The following ROBO2 variants were observed in gnomAD, a reference collection of about 807,000 sequenced individuals.
The protein encoded by ROBO2 is roundabout homolog 2.
Under a neutral mutation model 160.8 loss-of-function variants are expected in ROBO2, and 53 were observed. The ratio of observed to expected loss-of-function variants is 0.33; its 90% CI spans 0.26 to 0.41. ROBO2 has a LOEUF of 0.41. Ranked by LOEUF, ROBO2 falls within the 10% of genes least tolerant of loss-of-function variation. The pLI is 1.00. For synonymous variants in ROBO2, 664 were observed against 611.7 expected (o/e 1.09, Z -1.26); for missense variants, 1,577 against 1,722.4 (o/e 0.92, Z 1.49).
At chr3:76,234,922 A>T (rs1704847467) in intron 2 of ROBO2, among the ~76,000 whole-genome samples, 1 of 152,180 alleles carries the variant, frequency 6.6e-6, no homozygotes, top group Non-Finnish European at 1.5e-5. Flanking sequence ...GGCAGATTGT[A>T]CCCAGTCTCT....
intron 2 of ROBO2, among the ~76,000 whole-genome samples, chr3:76,832,854 C>A (rs778475991): frequency 2.6e-5 from 4 of 152,060 alleles, no homozygotes; most frequent in Admixed American, 6.6e-5. Flanking sequence ...ACCTAACATT[C>A]CAGCATGTGG....
At chr3:76,295,410 C>T (rs1709017690) in intron 2 of ROBO2, among the ~76,000 whole-genome samples, 3 of 151,958 alleles carry the variant, frequency 2.0e-5, no homozygotes, top group African/African-American at 4.8e-5. Context: ...GTAATCCCTG[C>T]CCTCAAGATG....
intron 2 of ROBO2, among the ~76,000 whole-genome samples, chr3:76,672,467 A>G (rs1164940179): frequency 6.6e-6 from 1 of 152,224 alleles, no homozygotes; most frequent in Non-Finnish European, 1.5e-5. Context: ...GAGGGATCTT[A>G]CCATAGACAA....
intron 2 of ROBO2, among the ~76,000 whole-genome samples, chr3:77,155,090 T>A (rs2077887211): frequency 6.6e-6 from 1 of 151,764 alleles, no homozygotes; most frequent in Non-Finnish European, 1.5e-5. Flanking sequence ...TAAAATGGAT[T>A]GTTTTTGAGG....
chr3:76,967,804 G>A (rs1041288440), intron 2 of ROBO2, among the ~76,000 whole-genome samples: 16 of 152,044 alleles, frequency 1.1e-4, no homozygotes, highest in Admixed American at 3.9e-4. Context: ...CTCAGCAACC[G>A]AAAGTGTTAG....
intron 2 of ROBO2, among the ~76,000 whole-genome samples, chr3:76,426,873 A>G (rs1399925475): frequency 6.6e-6 from 1 of 152,154 alleles, no homozygotes; most frequent in African/African-American, 2.4e-5. Flanking sequence ...ATATCACTGA[A>G]TGATTAAAGG....
chr3:77,564,882 T>C, intron 11 of ROBO2, 72 bp from the exon 13 acceptor site: 1 of 1,389,210 alleles, frequency 7.2e-7, no homozygotes, highest in Non-Finnish European at 1.0e-6. Flanking sequence ...TTAACCTTTG[T>C]CATTGATACC....
chr3:76,893,379 A>G (rs755711650), intron 2 of ROBO2, among the ~76,000 whole-genome samples: 50 of 152,206 alleles, frequency 3.3e-4, no homozygotes, highest in South Asian at 8.3e-4. Context: ...AATTCATTTA[A>G]TTCATTTTTA....
intron 9 of ROBO2, among the ~76,000 whole-genome samples, chr3:77,561,418 T>C (rs1224033968): frequency 6.6e-6 from 1 of 152,190 alleles, no homozygotes; most frequent in African/African-American, 2.4e-5. Context: ...TTGTTTGCAG[T>C]GTAAGCCACA....
chr3:76,480,404 G>A (rs190101400), intron 2 of ROBO2, among the ~76,000 whole-genome samples: 28 of 152,164 alleles, frequency 1.8e-4, no homozygotes, highest in Admixed American at 1.2e-3. Flanking sequence ...TCATATAGAC[G>A]TCTAAGGAGA....
At chr3:77,209,242 A>C (rs1485574888) in intron 2 of ROBO2, among the ~76,000 whole-genome samples, 1 of 152,166 alleles carries the variant, frequency 6.6e-6, no homozygotes, top group Non-Finnish European at 1.5e-5. Flanking sequence ...CTAAGACCAA[A>C]TAAATTATAA....
chr3:77,317,580 G>C lies in ROBO2; in HGVS notation c.389-159834G>C, dbSNP rs553703826. On this transcript the variant is annotated intron_variant, in intron 2 of 25. Coordinates refer to ENST00000461745, the Ensembl canonical transcript of ROBO2. The stretch of plus-strand genomic sequence containing the variant: ...AAGACATCCCTAGCAGATTTGCCAA[G>C]ATCGGCATACGTGGGTGGCACAGCC... 4.6e-6 allele frequency: 6 copies of C among 1,311,606 alleles called. No homozygotes were observed. The East Asian group carries it at 1.4e-4, about 30-fold the overall frequency. The allele number at this position is 1,311,606 out of a possible 1,614,324, so 81.2% of individuals were successfully genotyped here.
chr3:77,569,295 T>C (rs1427923072), intron 13 of ROBO2, among the ~76,000 whole-genome samples: 1 of 152,056 alleles, frequency 6.6e-6, no homozygotes, highest in Non-Finnish European at 1.5e-5. Flanking sequence ...CCAGATTCTC[T>C]CAAATCCTTG....
intron 18 of ROBO2, 110 bp downstream of exon 19, chr3:77,595,294 T>A: frequency 1.2e-6 from 1 of 855,150 alleles, no homozygotes; most frequent in Non-Finnish European, 1.9e-6. Context: ...AGTCTGAGAA[T>A]TCTAGGAGGA....
At chr3:76,141,149 CTCTCTCTCTCTATA>C (rs1416926469) in intron 2 of ROBO2, among the ~76,000 whole-genome samples, 53 of 51,144 alleles carry the variant, frequency 1.0e-3, no homozygotes, top group African/African-American at 4.2e-3. Context: ...CTCTCTCTCT[CTCTCTCTCTCTATA>C]TATATATATA....
At chr3:76,273,707 C>T (rs574309241) in intron 2 of ROBO2, among the ~76,000 whole-genome samples, 1 of 152,272 alleles carries the variant, frequency 6.6e-6, no homozygotes, top group Non-Finnish European at 1.5e-5. Context: ...AGAACTCACT[C>T]ACGATCATGA....
At chr3:77,324,144 C>T (rs1327112715) in intron 2 of ROBO2, among the ~76,000 whole-genome samples, 1 of 152,144 alleles carries the variant, frequency 6.6e-6, no homozygotes, top group Non-Finnish European at 1.5e-5. Context: ...CTAATCTCAA[C>T]ACAGTCTCCA....
rs528554466 is a variant in ROBO2, at chr3:77,648,934, G to GCAATGCAATCATGTC, written c.*2884_*2898dup. On this transcript the variant is annotated 3_prime_UTR_variant, in exon 26 of 26. Transcript: ENST00000461745. ...TGATCTTGCACTCATAGGCAATGCTGCAATGCAATCATGTCCAATACAAGC... is the reference window on the plus strand; with the variant it reads ...TGATCTTGCACTCATAGGCAATGCTGCAATGCAATCATGTCCAATGCAATCATGTCCAATACAAGC... 3.9e-3 allele frequency: 588 copies of GCAATGCAATCATGTC among 152,266 alleles called. 3 individuals are homozygous for GCAATGCAATCATGTC. The highest frequency in any genetic ancestry group is 0.014 in the African/African-American group (568 of 41,536). 9.4% of individuals were successfully genotyped at this position (152,266 alleles called of 1,614,324 possible). A position where few individuals can be genotyped will look rare whatever the true frequency, so the allele number is the denominator to read the frequency against.
intron 2 of ROBO2, among the ~76,000 whole-genome samples, chr3:76,363,115 TGAG>T (rs1242403732): frequency 6.6e-6 from 1 of 152,006 alleles, no homozygotes; most frequent in Non-Finnish European, 1.5e-5. Flanking sequence ...TCTAAGTAGA[TGAG>T]GAAATAATAC....
Sources: allele counts gnomAD v4.1 joint callset (sites outside exome capture counted in the v4.1 genomes callset), GRCh38; gene constraint gnomAD v4.1.1; transcripts MANE v1.5; gene names NCBI Gene and HGNC (gene_info 2026-07-23, HGNC 2026-07-21).